Variants in PGM3 observed in about 807,000 individuals in gnomAD.
PGM3 encodes phosphoacetylglucosamine mutase.
Under a neutral mutation model 66.2 loss-of-function variants are expected in PGM3, and 40 were observed. The ratio of observed to expected loss-of-function variants is 0.60; its 90% CI spans 0.47 to 0.79. The LOEUF (loss-of-function observed/expected upper bound fraction) is 0.79, where lower values mean the gene tolerates loss of function less well. Among genes scored for constraint, PGM3 ranks in the 30% least tolerant of loss-of-function variants. PGM3 has a pLI of 0.00. For synonymous variants in PGM3, 191 were observed against 224.2 expected (o/e 0.85, Z 1.32); for missense variants, 537 against 643.4 (o/e 0.83, Z 1.79).
intron 9 of PGM3, among the ~76,000 whole-genome samples, 154 bp from the exon 10 acceptor site, chr6:83,174,641 A>G (rs1191585795): frequency 6.6e-6 from 1 of 152,232 alleles, no homozygotes; most frequent in African/African-American, 2.4e-5. Context: ...AAATTAATGT[A>G]AGATCACATT....
At position 83,166,527 on chromosome 6, in the gene PGM3, AAAAT is replaced by A. The variant is rs150637901; in HGVS notation, c.*2703_*2706del. 10,700 of 684,910 alleles carry A rather than the reference AAAAT, an allele frequency of 0.016. 370 individuals carry two copies. Among genetic ancestry groups the A allele is most frequent in the African/African-American group, 0.079 (4,441 of 56,498 alleles). The allele number at this position is 684,910 out of a possible 1,614,324, so 42.4% of individuals were successfully genotyped here. Reference sequence around the variant, plus strand: ...TTGTCTAACATCATTTCCATAGTCTAAAATAAATATAAACAGCAATAAGTCATTA... The same window carrying A: ...TTGTCTAACATCATTTCCATAGTCTAAAATATAAACAGCAATAAGTCATTA... On this transcript the variant is annotated 3_prime_UTR_variant, in exon 13 of 13. Transcript: ENST00000513973.
downstream of PGM3, chr6:83,157,151 A>G: frequency 6.2e-7 from 1 of 1,601,670 alleles, no homozygotes; most frequent in Non-Finnish European, 8.5e-7. Context: ...AAGATTATTT[A>G]GTTATTGAAA....
At chr6:83,189,409 G>A (rs1293543335) in intron 2 of PGM3, among the ~76,000 whole-genome samples, 1 of 152,214 alleles carries the variant, frequency 6.6e-6, no homozygotes, top group East Asian at 1.9e-4. Flanking sequence ...GAATCATTTT[G>A]AGAAGTGCCT....
chr6:83,166,258 G>T lies in PGM3; in HGVS notation c.*2976C>A, dbSNP rs896026738. ...ATGGTCAACATTGAGTTCTTGGGCA[G>T]CTCTCTTATAGTTGTAAGAGGATCA... On this transcript the variant is annotated 3_prime_UTR_variant, in exon 13 of 13. Transcript: ENST00000513973. 1.9e-6 allele frequency: 1 copy of T among 525,648 alleles called. No homozygotes were observed. Among genetic ancestry groups the T allele is most frequent in the Non-Finnish European group, 3.4e-6 (1 of 298,260 alleles). The allele number at this position is 525,648 out of a possible 1,614,324, so 32.6% of individuals were successfully genotyped here.
At position 83,176,059 on chromosome 6, in the gene PGM3, ACC is replaced by A. The variant is rs765589330; in HGVS notation, c.1030-1_1030del. 1 of 1,513,510 alleles carries A rather than the reference ACC, an allele frequency of 6.6e-7. No homozygotes were observed. Among genetic ancestry groups the A allele is most frequent in the Admixed American group, 1.7e-5 (1 of 59,836 alleles). 93.8% of individuals were successfully genotyped at this position (1,513,510 alleles called of 1,614,324 possible). ...ACCAGTCTTAGTGCAATAGACAGGT[ACC>A]TATAACACATGCATTTAAAGAAATA... is the stretch of plus-strand genomic sequence containing the variant. On this transcript the variant is annotated splice_acceptor_variant and coding_sequence_variant, in exon 9 of 13. Coordinates refer to ENST00000513973, the MANE Select transcript of PGM3 (RefSeq NM_015599.3). LOFTEE classifies it high-confidence loss of function.
In PGM3 at chr6:83,185,872, G is replaced by A. The variant is rs184018113; in HGVS notation, c.457+1136C>T. On this transcript the variant is annotated intron_variant, in intron 4 of 12. Transcript: ENST00000513973. ...ATCATGCAGAATGAAAGAGGGTCCC[G>A]AGGAATGCCCTCCCTGAAAGAGACA... is the stretch of plus-strand genomic sequence containing the variant. 1.4e-3 allele frequency among the ~76,000 whole-genome samples: 210 copies of A among 152,240 alleles called. 2 individuals carry two copies. The highest frequency in any genetic ancestry group is 4.8e-3 in the African/African-American group (201 of 41,536).
rs1583233303 is a variant in PGM3, at chr6:83,168,044, C to T, written c.*1190G>A. On this transcript the variant is annotated 3_prime_UTR_variant, in exon 13 of 13. Coordinates refer to ENST00000513973, the MANE Select transcript of PGM3 (RefSeq NM_015599.3). ...GACACTCAGGGAGTCCTATCCTCTA[C>T]TCAAATGCCTTCCCTAATAAGGACA... 4.3e-6 allele frequency: 7 copies of T among 1,614,184 alleles called. No individual in the cohort carries two copies. The highest frequency in any genetic ancestry group is 2.2e-5 in the East Asian group (1 of 44,874).
chr6:83,155,633 C>T, the PGM3 span, among the ~76,000 whole-genome samples: 1 of 152,062 alleles, frequency 6.6e-6, no homozygotes, highest in Admixed American at 6.6e-5. Context: ...TTTAAAGTAA[C>T]GAGAAGGATT....
downstream of PGM3, among the ~76,000 whole-genome samples, chr6:83,161,767 A>G (rs1347962137): frequency 5.3e-5 from 8 of 152,178 alleles, no homozygotes; most frequent in African/African-American, 1.9e-4. Flanking sequence ...TTCAGAGGTT[A>G]TATTTACCAA....
rs1322457362 is a variant in PGM3, at chr6:83,167,066, C to T, written c.*2168G>A. 7.1e-6 allele frequency: 7 copies of T among 984,810 alleles called. No individual in the cohort carries two copies. Among genetic ancestry groups the T allele is most frequent in the Non-Finnish European group, 8.4e-6 (7 of 829,422 alleles). 61.0% of individuals were successfully genotyped at this position (984,810 alleles called of 1,614,324 possible). A position where few individuals can be genotyped will look rare whatever the true frequency, so the allele number is the denominator to read the frequency against. On this transcript the variant is annotated 3_prime_UTR_variant, in exon 13 of 13. Coordinates refer to ENST00000513973, the MANE Select transcript of PGM3 (RefSeq NM_015599.3). Reference sequence around the variant, plus strand: ...TAATTCAGGTGGCTTCTCAAACTAGCCTCTTAATACCCAAATTATTAGTCT... The same window carrying T: ...TAATTCAGGTGGCTTCTCAAACTAGTCTCTTAATACCCAAATTATTAGTCT...
chr6:83,183,078 TTG>T, intron 4 of PGM3, 100 bp from the exon 5 acceptor site: 2 of 1,056,244 alleles, frequency 1.9e-6, no homozygotes, highest in Non-Finnish European at 2.8e-6. Flanking sequence ...ACAAATCCTT[TTG>T]TGTCATCTCA....
chr6:83,174,225 A>G (rs1787579264), intron 10 of PGM3, 149 bp downstream of exon 10: 1 of 590,612 alleles, frequency 1.7e-6, no homozygotes, highest in Non-Finnish European at 3.0e-6. Flanking sequence ...CCATTTCATT[A>G]TAAATCTCAA....
downstream of PGM3, chr6:83,162,722 T>C (rs1234331422): frequency 6.6e-7 from 1 of 1,507,466 alleles, no homozygotes; most frequent in Non-Finnish European, 8.9e-7. Flanking sequence ...TCTACTACAT[T>C]ATGTGGCCTA....
At chr6:83,164,525 T>C (rs1784981740), downstream of PGM3, 4 of 832,510 alleles carry the variant, frequency 4.8e-6, no homozygotes, top group Non-Finnish European at 7.9e-6. Context: ...TTGCCCAAAA[T>C]TTGTCCCACA....
chr6:83,171,133 A>G (rs1022974805), intron 11 of PGM3: 3 of 152,282 alleles, frequency 2.0e-5, no homozygotes, highest in African/African-American at 7.2e-5. Context: ...TGAGCTCAGG[A>G]GTTCAAGACC....
chr6:83,153,517 G>T, the PGM3 span: 1 of 1,595,246 alleles, frequency 6.3e-7, no homozygotes, highest in Admixed American at 1.8e-5. Context: ...ATAGGTTTTG[G>T]CTCATCTTTT....
At chr6:83,163,765 G>A (rs970359548), downstream of PGM3, among the ~76,000 whole-genome samples, 1 of 151,996 alleles carries the variant, frequency 6.6e-6, no homozygotes, top group African/African-American at 2.4e-5. Context: ...TTAAAACAGT[G>A]CTCAGAGTTA....
chr6:83,154,164 T>C, the PGM3 span: 5 of 1,612,832 alleles, frequency 3.1e-6, no homozygotes, highest in Admixed American at 3.3e-5. Context: ...CATGTTGTAA[T>C]CCTTATCTCT....
chr6:83,175,621 CTT>C (rs1041315135), intron 9 of PGM3, among the ~76,000 whole-genome samples: 1 of 152,174 alleles, frequency 6.6e-6, no homozygotes, highest in Non-Finnish European at 1.5e-5. Flanking sequence ...CTTTCCAACA[CTT>C]TGCAATTCAC....
Sources: gnomAD v4.1 joint callset for allele counts (sites outside exome capture counted in the v4.1 genomes callset) on GRCh38, gnomAD v4.1.1 for gene constraint, MANE v1.5 for transcripts, NCBI Gene and HGNC (gene_info 2026-07-23, HGNC 2026-07-21) for gene names.